The following BANK1 variants were observed in gnomAD, a reference collection of about 807,000 sequenced individuals.
BANK1 encodes the protein B cell scaffold protein with ankyrin repeats 1.
BANK1 carries 95 observed loss-of-function variants against 94.5 expected under a neutral mutation model. The ratio of observed to expected loss-of-function variants is 1.00; its 90% CI spans 0.85 to 1.19. The LOEUF is 1.19. Ranked by LOEUF, BANK1 falls within the 50% of genes most tolerant of loss-of-function variation. The pLI is 0.00. For missense variants in BANK1, 987 were observed against 932.2 expected (o/e 1.06, Z -0.77); for synonymous variants, 334 against 308.4 (o/e 1.08, Z -0.87).
chr4:101,823,354 T>C (rs1180251224), intron 1 of BANK1, among the ~76,000 whole-genome samples: 1 of 152,230 alleles, frequency 6.6e-6, no homozygotes, highest in Non-Finnish European at 1.5e-5. Context: ...TTTATGAATA[T>C]ATATACTTAC....
chr4:102,066,106 C>T (rs1728582300), intron 13 of BANK1, among the ~76,000 whole-genome samples: 1 of 151,936 alleles, frequency 6.6e-6, no homozygotes, highest in Non-Finnish European at 1.5e-5. Context: ...AAAAGAAGGA[C>T]TTCTAGGCAA....
At chr4:102,030,328 G>A in intron 10 of BANK1, 63 bp downstream of exon 10, 1 of 1,465,840 alleles carries the variant, frequency 6.8e-7, no homozygotes, top group Non-Finnish European at 9.2e-7. Flanking sequence ...GAGGATGGGA[G>A]GAGGGGATAA....
intron 11 of BANK1, among the ~76,000 whole-genome samples, chr4:102,058,297 T>G (rs1728295749): frequency 6.6e-6 from 1 of 152,152 alleles, no homozygotes; most frequent in Non-Finnish European, 1.5e-5. Context: ...TGTAAATACT[T>G]GTAAAGAGAA....
chr4:101,862,425 C>A, intron 3 of BANK1, 101 bp from the exon 4 acceptor site: 1 of 882,066 alleles, frequency 1.1e-6, no homozygotes, highest in Non-Finnish European at 1.6e-6. Context: ...AAGACTTATT[C>A]AATAATAGTG....
intron 8 of BANK1, among the ~76,000 whole-genome samples, chr4:102,021,835 A>T (rs1045516278): frequency 1.3e-5 from 2 of 152,138 alleles, no homozygotes. Flanking sequence ...GAGGGAATAC[A>T]CAAATAACTC....
chr4:101,940,242 C>T (rs796680160), intron 7 of BANK1, among the ~76,000 whole-genome samples: 1 of 130,000 alleles, frequency 7.7e-6, no homozygotes, highest in African/African-American at 2.5e-5. Context: ...CTTAACTTTT[C>T]TAAGCAGGAA....
chr4:102,013,657 T>A (rs985026998), intron 7 of BANK1, among the ~76,000 whole-genome samples: 11 of 152,000 alleles, frequency 7.2e-5, no homozygotes, highest in Middle Eastern at 3.4e-3. Flanking sequence ...AAAATAGGGA[T>A]TTTTTTTAAA....
intron 1 of BANK1, among the ~76,000 whole-genome samples, chr4:101,828,830 A>T (rs1035169478): frequency 6.6e-5 from 10 of 151,900 alleles, no homozygotes; most frequent in Non-Finnish European, 4.4e-5. Flanking sequence ...TATAATTATC[A>T]TTAAGTTAAG....
intron 11 of BANK1, among the ~76,000 whole-genome samples, chr4:102,049,523 G>A (rs1727980450): frequency 6.6e-6 from 1 of 152,058 alleles, no homozygotes; most frequent in South Asian, 2.1e-4. Flanking sequence ...GATCTCCTCA[G>A]CCATATAGTC....
At chr4:101,799,188 A>G (rs2148849517) in intron 1 of BANK1, among the ~76,000 whole-genome samples, 1 of 152,324 alleles carries the variant, frequency 6.6e-6, no homozygotes, top group East Asian at 1.9e-4. Context: ...ATGGCTAGCC[A>G]GTTTTCCCAG....
At chr4:101,959,428 A>T (rs1381829819) in intron 7 of BANK1, among the ~76,000 whole-genome samples, 1 of 152,110 alleles carries the variant, frequency 6.6e-6, no homozygotes, top group Non-Finnish European at 1.5e-5. Context: ...GTGAGCCACC[A>T]TGCCTGGCCC....
intron 7 of BANK1, among the ~76,000 whole-genome samples, chr4:101,974,107 A>T (rs1436083229): frequency 6.6e-6 from 1 of 152,122 alleles, no homozygotes; most frequent in Non-Finnish European, 1.5e-5. Context: ...TTATTAAATG[A>T]ATTTAAATAA....
chr4:102,039,647 A>G (rs999564914), intron 10 of BANK1, among the ~76,000 whole-genome samples: 1 of 152,056 alleles, frequency 6.6e-6, no homozygotes, highest in Non-Finnish European at 1.5e-5. Flanking sequence ...GTAAGCAGTA[A>G]TGGCACATTT....
chr4:101,963,768 G>A (rs182859611), intron 7 of BANK1, among the ~76,000 whole-genome samples: 13 of 152,092 alleles, frequency 8.5e-5, no homozygotes, highest in East Asian at 1.9e-4. Flanking sequence ...TCATTTACCC[G>A]AGGCCTTTTC....
At chr4:102,071,382 C>A in intron 14 of BANK1, 78 bp downstream of exon 14, 1 of 1,385,342 alleles carries the variant, frequency 7.2e-7, no homozygotes, top group South Asian at 1.2e-5. Flanking sequence ...TTAATGTAAA[C>A]CTAATGTGAT....
At chr4:101,894,237 A>T (rs576208226) in intron 5 of BANK1, among the ~76,000 whole-genome samples, 2 of 152,028 alleles carry the variant, frequency 1.3e-5, no homozygotes, top group East Asian at 1.9e-4. Flanking sequence ...CTTCTTTTTT[A>T]AAAAAATGTA....
At chr4:101,804,456 C>G (rs1252028551) in intron 1 of BANK1, among the ~76,000 whole-genome samples, 3 of 152,078 alleles carry the variant, frequency 2.0e-5, no homozygotes, top group African/African-American at 4.8e-5. Flanking sequence ...TCTTGTAAAC[C>G]TTGAATAATG....
At chr4:101,862,152 A>G (rs1578363502) in intron 3 of BANK1, among the ~76,000 whole-genome samples, 1 of 152,140 alleles carries the variant, frequency 6.6e-6, no homozygotes, top group African/African-American at 2.4e-5. Context: ...ATTTGGAAAA[A>G]TGATTTGGTT....
At chr4:101,924,602 G>A (rs1723096423) in intron 7 of BANK1, among the ~76,000 whole-genome samples, 1 of 151,762 alleles carries the variant, frequency 6.6e-6, no homozygotes, top group Non-Finnish European at 1.5e-5. Context: ...GTTGGGAAGG[G>A]GAGCAGGCAT....
Sources: gnomAD v4.1 joint callset for allele counts (sites outside exome capture counted in the v4.1 genomes callset) on GRCh38, gnomAD v4.1.1 for gene constraint, MANE v1.5 for transcripts, NCBI Gene and HGNC (gene_info 2026-07-23, HGNC 2026-07-21) for gene names.